The following AHCY variants were observed in gnomAD, a reference collection of about 807,000 sequenced individuals.
The protein encoded by AHCY is adenosylhomocysteinase, also known as S-adenosyl-L-homocysteine hydrolase.
In AHCY, 24 loss-of-function variants were observed where a neutral mutation model predicts 45.4. The ratio of observed to expected loss-of-function variants is 0.53; its 90% CI spans 0.38 to 0.74. The LOEUF (loss-of-function observed/expected upper bound fraction) is 0.74. AHCY is among the 30% of genes least tolerant of loss of function. AHCY has a pLI of 0.00. For missense variants in AHCY, 449 were observed against 594.1 expected (o/e 0.76, Z 2.54); for synonymous variants, 245 against 235.1 (o/e 1.04, Z -0.39).
intron 8 of AHCY, among the ~76,000 whole-genome samples, chr20:34,288,258 C>T (rs1180686908): frequency 6.6e-6 from 1 of 152,198 alleles, no homozygotes; most frequent in African/African-American, 2.4e-5. Flanking sequence ...ACTTGGGCTT[C>T]TGGTGTGGCT....
At chr20:34,275,334 G>T (rs996509985), downstream of AHCY, among the ~76,000 whole-genome samples, 2 of 151,988 alleles carry the variant, frequency 1.3e-5, no homozygotes, top group Non-Finnish European at 2.9e-5. Flanking sequence ...GTTTCACCAC[G>T]TTGGCCAGGC....
chr20:34,303,279 C>T lies in AHCY; in HGVS notation c.-9G>A. ...GGCAGTTTGTCAGACATGCTGGCGG[C>T]ACTCGTGATGGAAACGGGCGAAGGG... On this transcript the variant is annotated 5_prime_UTR_variant, in exon 1 of 10. Transcript: ENST00000217426. The T allele has an allele frequency of 6.4e-7, 1 of 1,551,756 alleles. No homozygotes were observed.
chr20:34,248,131 G>A, the AHCY span, among the ~76,000 whole-genome samples: 5 of 152,018 alleles, frequency 3.3e-5, no homozygotes, highest in East Asian at 1.9e-4. Flanking sequence ...GCTTGAACCC[G>A]GGAGGTGAAG....
chr20:34,244,161 C>T, the AHCY span, among the ~76,000 whole-genome samples: 1 of 152,100 alleles, frequency 6.6e-6, no homozygotes, highest in Non-Finnish European at 1.5e-5. Context: ...TAGAAGTGTC[C>T]GCAGCAATTT....
At chr20:34,257,070 C>CTTTTTTTTTTTTTTT in the AHCY span, among the ~76,000 whole-genome samples, 234 of 139,022 alleles carry the variant, frequency 1.7e-3, no homozygotes, top group Non-Finnish European at 2.4e-3. Flanking sequence ...CTTTCTTTCT[C>CTTTTTTTTTTTTTTT]TTTTTTTTTT....
intron 1 of AHCY, among the ~76,000 whole-genome samples, chr20:34,308,378 G>T (rs143984196): frequency 6.6e-6 from 1 of 152,010 alleles, no homozygotes; most frequent in Non-Finnish European, 1.5e-5. Flanking sequence ...TGGCAAAACC[G>T]CATCTCTACT....
At chr20:34,253,179 C>T in the AHCY span, among the ~76,000 whole-genome samples, 1 of 151,640 alleles carries the variant, frequency 6.6e-6, no homozygotes, top group African/African-American at 2.4e-5. Flanking sequence ...TCACTCAGCT[C>T]ACTGCAAGCT....
chr20:34,253,492 A>C, the AHCY span, among the ~76,000 whole-genome samples: 2 of 147,530 alleles, frequency 1.4e-5, no homozygotes. Flanking sequence ...TATTTTTTAG[A>C]GACAGAGTCT....
chr20:34,300,998 G>C (rs2036751092), intron 1 of AHCY, among the ~76,000 whole-genome samples: 1 of 152,164 alleles, frequency 6.6e-6, no homozygotes, highest in Admixed American at 6.5e-5. Flanking sequence ...ACTGTTTACC[G>C]ACCATATCTG....
intron 1 of AHCY, among the ~76,000 whole-genome samples, chr20:34,310,784 C>T (rs1271714948): frequency 6.6e-6 from 1 of 152,188 alleles, no homozygotes; most frequent in South Asian, 2.1e-4. Flanking sequence ...GAGGCCTAAG[C>T]GCCACTGCAC....
At chr20:34,259,904 G>A in the AHCY span, among the ~76,000 whole-genome samples, 75 of 152,046 alleles carry the variant, frequency 4.9e-4, no homozygotes, top group South Asian at 1.0e-3. Context: ...TTGTCTGAAG[G>A]GGCCACTTAC....
At chr20:34,296,249 C>T (rs1312326775) in intron 1 of AHCY, among the ~76,000 whole-genome samples, 1 of 152,168 alleles carries the variant, frequency 6.6e-6, no homozygotes, top group African/African-American at 2.4e-5. Context: ...CAAGCACTCA[C>T]CTGCCCACTT....
At chr20:34,308,571 A>G (rs2036917735) in intron 1 of AHCY, among the ~76,000 whole-genome samples, 1 of 152,154 alleles carries the variant, frequency 6.6e-6, no homozygotes, top group African/African-American at 2.4e-5. Flanking sequence ...AATTTTTTTT[A>G]AGTATTTGAA....
At chr20:34,294,267 A>C (rs892059699) in intron 2 of AHCY, 111 bp from the exon 3 acceptor site, 1 of 948,852 alleles carries the variant, frequency 1.1e-6, no homozygotes, top group Admixed American at 2.0e-5. Context: ...CTTGGGATCT[A>C]GGCACAGCAA....
the AHCY span, chr20:34,246,114 CTTCT>C: frequency 1.2e-5 from 11 of 900,292 alleles, no homozygotes; most frequent in South Asian, 1.4e-4. Flanking sequence ...AATCTTTGTG[CTTCT>C]TTAAGATCAA....
At chr20:34,303,073 T>C in intron 1 of AHCY, 170 bp downstream of exon 1, 1 of 985,294 alleles carries the variant, frequency 1.0e-6, no homozygotes, top group Non-Finnish European at 1.2e-6. Context: ...GGCCCGCTCA[T>C]GGCCGCGCGA....
intron 1 of AHCY, among the ~76,000 whole-genome samples, chr20:34,298,288 TATGA>T (rs1373788243): frequency 6.6e-6 from 1 of 152,324 alleles, no homozygotes; most frequent in East Asian, 1.9e-4. Context: ...TATGATTATA[TATGA>T]ATATCATTAA....
chr20:34,281,984 T>C (rs975310520), intron 9 of AHCY, among the ~76,000 whole-genome samples: 2 of 152,230 alleles, frequency 1.3e-5, no homozygotes, highest in African/African-American at 2.4e-5. Context: ...CCACCGTGCC[T>C]GGCAGATTCG....
At chr20:34,303,525 G>A (rs1445633521), upstream of AHCY, among the ~76,000 whole-genome samples, 5 of 152,246 alleles carry the variant, frequency 3.3e-5, no homozygotes, top group Non-Finnish European at 7.3e-5. Flanking sequence ...CACCGGTCCG[G>A]AAGGGAGCGC....
Sources: allele counts gnomAD v4.1 joint callset (sites outside exome capture counted in the v4.1 genomes callset), GRCh38; gene constraint gnomAD v4.1.1; transcripts MANE v1.5; gene names NCBI Gene and HGNC (gene_info 2026-07-23, HGNC 2026-07-21).